The following PPFIA2 variants were observed in gnomAD, a reference collection of about 807,000 sequenced individuals.
PPFIA2 encodes liprin-alpha-2.
A neutral mutation model predicts 175.5 loss-of-function variants in PPFIA2; 46 were observed. That is an observed-to-expected ratio of 0.26 (90% CI 0.21 to 0.34). The LOEUF is 0.34. Among genes scored for constraint, PPFIA2 ranks in the 10% least tolerant of loss-of-function variants. PPFIA2 has a pLI of 1.00. For synonymous variants in PPFIA2, 568 were observed against 511.4 expected, an observed-to-expected ratio of 1.11 and a Z score of -1.49; for missense variants, 1,179 against 1,506.1, an observed-to-expected ratio of 0.78 and a Z score of 3.60.
chr12:81,658,682 T>C (rs535105238), intron 4 of PPFIA2, among the ~76,000 whole-genome samples: 153 of 152,058 alleles, frequency 1.0e-3, no homozygotes, highest in African/African-American at 3.1e-3. Context: ...TGCATACATA[T>C]ACATATATGA....
intron 7 of PPFIA2, among the ~76,000 whole-genome samples, chr12:81,439,114 T>A (rs1280159470): frequency 6.6e-6 from 1 of 151,188 alleles, no homozygotes; most frequent in African/African-American, 2.4e-5. Context: ...AAAAGAGAGA[T>A]GGGACTATTT....
intron 29 of PPFIA2, chr12:81,267,234 T>A: frequency 1.7e-6 from 1 of 578,108 alleles, no homozygotes; most frequent in Non-Finnish European, 3.2e-6. Context: ...AGAGAGACAG[T>A]CTTGCATAAA....
chr12:81,412,967 C>A (rs2044266760), intron 7 of PPFIA2, among the ~76,000 whole-genome samples: 1 of 151,752 alleles, frequency 6.6e-6, no homozygotes, highest in African/African-American at 2.4e-5. Flanking sequence ...ACCTGGGTAA[C>A]CTTTGTTCCT....
intron 4 of PPFIA2, among the ~76,000 whole-genome samples, chr12:81,568,743 G>A (rs1220617058): frequency 6.6e-6 from 1 of 152,040 alleles, no homozygotes; most frequent in Non-Finnish European, 1.5e-5. Flanking sequence ...TCTTACATCA[G>A]CTTCATGCCT....
intron 7 of PPFIA2, among the ~76,000 whole-genome samples, chr12:81,421,328 G>C (rs2046203316): frequency 6.6e-6 from 1 of 151,956 alleles, no homozygotes; most frequent in African/African-American, 2.4e-5. Flanking sequence ...ATAAAGGTTA[G>C]AGATACAAAA....
intron 4 of PPFIA2, among the ~76,000 whole-genome samples, chr12:81,506,760 G>A (rs908657774): frequency 6.6e-6 from 1 of 152,206 alleles, no homozygotes; most frequent in Non-Finnish European, 1.5e-5. Flanking sequence ...GGGCCAGATA[G>A]TAAATAATTT....
chr12:81,650,185 A>G (rs1484549320), intron 4 of PPFIA2, among the ~76,000 whole-genome samples: 2 of 151,706 alleles, frequency 1.3e-5, no homozygotes, highest in Non-Finnish European at 2.9e-5. Flanking sequence ...AATTTTTTGT[A>G]TTTTTAGTAG....
chr12:81,701,713 C>A (rs2076496246), intron 3 of PPFIA2, among the ~76,000 whole-genome samples: 1 of 151,710 alleles, frequency 6.6e-6, no homozygotes, highest in Non-Finnish European at 1.5e-5. Context: ...AAATATCAAT[C>A]AGTGCCTAAT....
At chr12:81,281,184 T>A in intron 27 of PPFIA2, 73 bp downstream of exon 27, 2 of 1,199,870 alleles carry the variant, frequency 1.7e-6, no homozygotes, top group African/African-American at 3.1e-5. Context: ...TCCATTTTTG[T>A]TTTACTAAAG....
intron 6 of PPFIA2, among the ~76,000 whole-genome samples, chr12:81,444,064 C>G (rs2050767725): frequency 1.3e-5 from 2 of 151,334 alleles, no homozygotes; most frequent in South Asian, 4.2e-4. Context: ...CCGTGTTAGC[C>G]AGGATGGTCT....
At chr12:81,692,133 C>A (rs1270887496) in intron 3 of PPFIA2, among the ~76,000 whole-genome samples, 3 of 151,528 alleles carry the variant, frequency 2.0e-5, no homozygotes, top group East Asian at 1.9e-4. Flanking sequence ...CACACACACA[C>A]AAAACCTGTC....
At chr12:81,594,864 T>C (rs1277590192) in intron 4 of PPFIA2, among the ~76,000 whole-genome samples, 1 of 151,972 alleles carries the variant, frequency 6.6e-6, no homozygotes, top group Admixed American at 6.6e-5. Context: ...AGTGAGCTTT[T>C]ATTGGGCCAC....
intron 29 of PPFIA2, 59 bp downstream of exon 29, chr12:81,267,853 G>C: frequency 6.9e-7 from 1 of 1,442,152 alleles, no homozygotes; most frequent in Admixed American, 2.5e-5. Context: ...TTTTCTAAAA[G>C]TTTAGTTTAT....
At chr12:81,260,778 C>G (rs746703740) in intron 32 of PPFIA2, 15 of 152,150 alleles carry the variant, frequency 9.9e-5, no homozygotes, top group Non-Finnish European at 2.1e-4. Context: ...CTGTCTATAA[C>G]TGTTTTCTCT....
intron 2 of PPFIA2, 62 bp downstream of exon 2, chr12:81,758,338 C>A: frequency 2.2e-6 from 1 of 448,898 alleles, no homozygotes; most frequent in Admixed American, 2.4e-5. Context: ...GGGGTGGGGC[C>A]GGGGAGGTGG....
At chr12:81,455,007 C>A (rs973582500) in intron 5 of PPFIA2, among the ~76,000 whole-genome samples, 3 of 152,214 alleles carry the variant, frequency 2.0e-5, no homozygotes, top group African/African-American at 7.2e-5. Flanking sequence ...TGCCACCATG[C>A]CCAGCTATCA....
chr12:81,292,257 T>A (rs756053661), intron 24 of PPFIA2: 18 of 152,124 alleles, frequency 1.2e-4, no homozygotes, highest in Non-Finnish European at 2.4e-4. Context: ...AGCTGGAAAT[T>A]ACTCAGCAAA....
At chr12:81,596,512 C>T (rs1015982782) in intron 4 of PPFIA2, among the ~76,000 whole-genome samples, 5 of 152,044 alleles carry the variant, frequency 3.3e-5, no homozygotes, top group Middle Eastern at 3.4e-3. Context: ...AGTTAAAAAT[C>T]GTTGCAGTGT....
At chr12:81,582,955 A>C (rs1415770831) in intron 4 of PPFIA2, among the ~76,000 whole-genome samples, 1 of 151,918 alleles carries the variant, frequency 6.6e-6, no homozygotes, top group Non-Finnish European at 1.5e-5. Flanking sequence ...TTCAATAAAA[A>C]TATCACTTCC....
Sources: allele counts gnomAD v4.1 joint callset (sites outside exome capture counted in the v4.1 genomes callset), GRCh38; gene constraint gnomAD v4.1.1; transcripts MANE v1.5; gene names NCBI Gene and HGNC (gene_info 2026-07-23, HGNC 2026-07-21).